Variants in XIRP2 observed in about 807,000 individuals in gnomAD.
XIRP2 encodes the protein xin actin binding repeat containing 2.
A neutral mutation model predicts 277.0 loss-of-function variants in XIRP2; 236 were observed. The observed-to-expected ratio is 0.85, with a 90% CI of 0.77 to 0.95. The LOEUF (loss-of-function observed/expected upper bound fraction) is 0.95, where lower values mean the gene tolerates loss of function less well. Ranked by LOEUF, XIRP2 falls within the 40% of genes least tolerant of loss-of-function variation. XIRP2 has a pLI of 0.00. For synonymous variants in XIRP2, 1,490 were observed against 1,416.5 expected, an observed-to-expected ratio of 1.05 and a Z score of -1.17; for missense variants, 4,640 against 4,157.5, an observed-to-expected ratio of 1.12 and a Z score of -3.19.
intron 2 of XIRP2, among the ~76,000 whole-genome samples, chr2:166,984,100 C>T (rs1270582925): frequency 6.6e-6 from 1 of 152,188 alleles, no homozygotes; most frequent in Non-Finnish European, 1.5e-5. Flanking sequence ...ATGGCCATCT[C>T]AACTCTTACA....
intron 3 of XIRP2, among the ~76,000 whole-genome samples, chr2:167,209,750 A>T (rs1444226057): frequency 2.6e-5 from 4 of 152,072 alleles, no homozygotes; most frequent in African/African-American, 9.7e-5. Flanking sequence ...ACTAGATTAA[A>T]TAAGAAAAAC....
chr2:167,232,194 A>G (rs1246414580), intron 5 of XIRP2, among the ~76,000 whole-genome samples: 1 of 152,044 alleles, frequency 6.6e-6, no homozygotes, highest in Non-Finnish European at 1.5e-5. Flanking sequence ...TAGGCAAAGA[A>G]GAATCGTGGA....
At chr2:166,922,019 C>T (rs1368612293) in intron 2 of XIRP2, among the ~76,000 whole-genome samples, 1 of 152,112 alleles carries the variant, frequency 6.6e-6, no homozygotes, top group African/African-American at 2.4e-5. Flanking sequence ...ATGCTTCTTT[C>T]ATTGGCCTTT....
chr2:167,247,788 C>A lies in XIRP2; in HGVS notation c.6396C>A (p.Asp2132Glu). 1.2e-6 allele frequency: 2 copies of A among 1,613,162 alleles called. No individual in the cohort carries two copies. The highest frequency in any genetic ancestry group is 1.3e-5 in the African/African-American group (1 of 74,872). ...AACAGACATATGAACTGAGAAATGA[C>A]CACCAGAAAATGGAGGGTTTTCATA... ...GKQQTYELRN[D>E]HQKMEGFHIK... Residue 2132 changes from aspartate to glutamate, a missense_variant, in exon 9 of 11, where the codon GAC becomes GAA. Physicochemically the swap from Asp to Glu is conservative, Grantham distance 45. Coordinates refer to ENST00000409195, the MANE Select transcript of XIRP2 (RefSeq NM_152381.6).
intron 2 of XIRP2, among the ~76,000 whole-genome samples, chr2:166,947,577 C>A (rs73969933): frequency 0.011 from 1,663 of 151,996 alleles, 29 homozygotes; most frequent in African/African-American, 0.038. Flanking sequence ...TTTGCAAATC[C>A]ACCCCTTGCC....
chr2:167,038,034 C>T (rs1015463252), intron 2 of XIRP2, among the ~76,000 whole-genome samples: 2 of 151,910 alleles, frequency 1.3e-5, no homozygotes, highest in Non-Finnish European at 2.9e-5. Context: ...TAGGAAAAAA[C>T]AATTTGCTAA....
chr2:167,016,183 C>T (rs896478785), intron 2 of XIRP2, among the ~76,000 whole-genome samples: 1 of 151,802 alleles, frequency 6.6e-6, no homozygotes, highest in Non-Finnish European at 1.5e-5. Flanking sequence ...TCTTCCCCTC[C>T]TTTTTCTCCT....
intron 3 of XIRP2, among the ~76,000 whole-genome samples, chr2:167,176,287 G>T (rs73025710): frequency 0.099 from 14,999 of 152,070 alleles, 785 homozygotes; most frequent in South Asian, 0.15. Flanking sequence ...CACTTCCCAC[G>T]TGAGGCAATG....
chr2:166,957,324 A>C (rs1296295244), intron 2 of XIRP2, among the ~76,000 whole-genome samples: 1 of 151,824 alleles, frequency 6.6e-6, no homozygotes, highest in Non-Finnish European at 1.5e-5. Flanking sequence ...TTTTCTGATT[A>C]AAATAATTTT....
At chr2:167,190,816 A>G (rs1156404313) in intron 3 of XIRP2, among the ~76,000 whole-genome samples, 2 of 152,180 alleles carry the variant, frequency 1.3e-5, no homozygotes, top group Admixed American at 1.3e-4. Context: ...TTTGTAGCAT[A>G]AATAATGGCA....
chr2:167,087,842 G>A (rs1690010746), intron 2 of XIRP2, among the ~76,000 whole-genome samples: 1 of 152,150 alleles, frequency 6.6e-6, no homozygotes, highest in Admixed American at 6.5e-5. Flanking sequence ...CCCACTGTCT[G>A]GCACTCCCTA....
chr2:167,222,114 A>G (rs1694452161), intron 5 of XIRP2, among the ~76,000 whole-genome samples: 1 of 152,198 alleles, frequency 6.6e-6, no homozygotes, highest in Non-Finnish European at 1.5e-5. Flanking sequence ...TTGCTAATGG[A>G]TTAGACTGTT....
intron 3 of XIRP2, among the ~76,000 whole-genome samples, chr2:167,205,654 A>G (rs953319784): frequency 2.0e-5 from 3 of 152,290 alleles, no homozygotes; most frequent in Middle Eastern, 3.4e-3. Context: ...GTAGCATAGT[A>G]ATGATGACTT....
intron 5 of XIRP2, among the ~76,000 whole-genome samples, chr2:167,229,768 T>A (rs1694700720): frequency 6.6e-6 from 1 of 152,076 alleles, no homozygotes; most frequent in Non-Finnish European, 1.5e-5. Flanking sequence ...TTGAAAAAAG[T>A]AAGAGACATT....
intron 3 of XIRP2, among the ~76,000 whole-genome samples, chr2:167,205,288 C>A (rs1693823532): frequency 6.6e-6 from 1 of 152,030 alleles, no homozygotes; most frequent in African/African-American, 2.4e-5. Flanking sequence ...TTGTAGATAA[C>A]CAATATTTGT....
chr2:167,245,857 C>A lies in XIRP2; in HGVS notation c.4465C>A (p.Gln1489Lys). 6.2e-7 allele frequency: 1 copy of A among 1,613,674 alleles called. No individual in the cohort carries two copies. Among genetic ancestry groups the A allele is most frequent in the African/African-American group, 1.3e-5 (1 of 74,978 alleles). Residue 1489 changes from glutamine (Q) to lysine (K), a missense_variant, in exon 9 of 11, where the codon CAG becomes AAG. Gln to Lys is a moderately conservative substitution (Grantham distance 53, BLOSUM62 1). Transcript: ENST00000409195. ...AGATGTGCAGAAAGGTGATGTTAAG[C>A]AGGCTGTGTGGCTTTTTGAAAATCG... ...QEDVQKGDVK[Q>K]AVWLFENRTF...
At chr2:166,889,806 C>T (rs948195694) in intron 1 of XIRP2, 3 of 152,304 alleles carry the variant, frequency 2.0e-5, no homozygotes, top group African/African-American at 7.2e-5. Context: ...TCTTCATTTT[C>T]ATTCTCTCAT....
At chr2:166,962,993 G>C (rs1482945523) in intron 2 of XIRP2, among the ~76,000 whole-genome samples, 1 of 151,460 alleles carries the variant, frequency 6.6e-6, no homozygotes, top group Non-Finnish European at 1.5e-5. Flanking sequence ...GTTTCAAATA[G>C]CTAGGAGGAG....
intron 2 of XIRP2, among the ~76,000 whole-genome samples, chr2:167,087,699 G>A (rs1159933422): frequency 2.0e-5 from 3 of 152,330 alleles, no homozygotes; most frequent in Non-Finnish European, 4.4e-5. Flanking sequence ...GCAGTGACCC[G>A]ATTTTCCAGG....
Sources: gnomAD v4.1 joint callset for allele counts (sites outside exome capture counted in the v4.1 genomes callset) on GRCh38, gnomAD v4.1.1 for gene constraint, MANE v1.5 for transcripts, NCBI Gene and HGNC (gene_info 2026-07-23, HGNC 2026-07-21) for gene names.